CHRM3: variants seen among roughly 807,000 people sequenced by gnomAD.
The protein encoded by CHRM3 is muscarinic acetylcholine receptor M3.
In CHRM3, 11 loss-of-function variants were observed where a neutral mutation model predicts 41.8. That is an observed-to-expected ratio of 0.26 (90% confidence interval 0.17 to 0.44). The LOEUF is 0.44. CHRM3 is among the 20% of genes least tolerant of loss of function. The pLI, the probability that CHRM3 is intolerant of heterozygous loss-of-function variation, is 1.00. For synonymous variants in CHRM3, 297 were observed against 301.4 expected (o/e 0.99, Z 0.15); for missense variants, 571 against 745.4 (o/e 0.77, Z 2.72).
chr1:239,853,077 CA>C (rs1209156828), intron 6 of CHRM3, among the ~76,000 whole-genome samples: 1 of 151,564 alleles, frequency 6.6e-6, no homozygotes, highest in Non-Finnish European at 1.5e-5. Flanking sequence ...TGTTCTTTTT[CA>C]ACTTTTTAAA....
chr1:239,592,866 T>C (rs192217312), intron 3 of CHRM3, among the ~76,000 whole-genome samples: 1 of 152,218 alleles, frequency 6.6e-6, no homozygotes, highest in Non-Finnish European at 1.5e-5. Flanking sequence ...GCTTAATCAG[T>C]CATTGCTCTC....
At position 239,760,343 on chromosome 1, in the gene CHRM3, C is replaced by T. The variant is rs1572205360; in HGVS notation, c.-146-66909C>T. ...TAAAATACTGTGCATTATATCATCC[C>T]ATGTTAAAAATCATCTCTGAAATCC... On this transcript the variant is annotated intron_variant, in intron 5 of 6. Coordinates refer to ENST00000676153, the MANE Select transcript of CHRM3 (RefSeq NM_001375978.1). 2.0e-5 allele frequency among the ~76,000 whole-genome samples: 3 copies of T among 152,010 alleles called. No homozygotes were observed. The South Asian group carries it at 6.2e-4, about 32-fold the overall frequency.
chr1:239,813,337 C>T (rs1219624302), intron 5 of CHRM3, among the ~76,000 whole-genome samples: 3 of 151,946 alleles, frequency 2.0e-5, no homozygotes, highest in South Asian at 2.1e-4. Context: ...TTCAGAGATT[C>T]GTAGATGCAA....
intron 1 of CHRM3, among the ~76,000 whole-genome samples, chr1:239,472,973 C>T (rs562738560): frequency 3.9e-4 from 59 of 152,072 alleles, no homozygotes; most frequent in Admixed American, 2.1e-3. Context: ...AAAGAAAGAT[C>T]AGTAATAGTC....
intron 6 of CHRM3, among the ~76,000 whole-genome samples, chr1:239,905,330 A>G: frequency 6.6e-6 from 1 of 152,166 alleles, no homozygotes; most frequent in South Asian, 2.1e-4. Flanking sequence ...GTCCTCCCAG[A>G]CATCACCTTG....
At chr1:239,581,054 T>C (rs1241909654) in intron 3 of CHRM3, among the ~76,000 whole-genome samples, 1 of 151,990 alleles carries the variant, frequency 6.6e-6, no homozygotes, top group Admixed American at 6.6e-5. Flanking sequence ...AAAAAAATCC[T>C]CTCACCACAG....
At chr1:239,646,915 G>A (rs1671787506) in intron 4 of CHRM3, among the ~76,000 whole-genome samples, 1 of 152,132 alleles carries the variant, frequency 6.6e-6, no homozygotes, top group Admixed American at 6.5e-5. Context: ...TCGCTTTTCT[G>A]GGGTAAGAAG....
intron 3 of CHRM3, chr1:239,629,468 C>G (rs542877734): frequency 1.3e-5 from 2 of 154,326 alleles, no homozygotes; most frequent in African/African-American, 2.4e-5. Flanking sequence ...TCTTCTGCGT[C>G]GCTCACGCTG....
chr1:239,583,289 T>C (rs370302138), intron 3 of CHRM3, among the ~76,000 whole-genome samples: 1 of 152,224 alleles, frequency 6.6e-6, no homozygotes, highest in African/African-American at 2.4e-5. Flanking sequence ...AAATGATTCA[T>C]TGAGTGTATG....
intron 4 of CHRM3, among the ~76,000 whole-genome samples, chr1:239,645,899 T>C (rs1671700718): frequency 6.6e-6 from 1 of 151,236 alleles, no homozygotes; most frequent in Non-Finnish European, 1.5e-5. Flanking sequence ...TTCCATAACA[T>C]GGAGAAATTA....
chr1:239,494,527 C>A (rs964559409), intron 2 of CHRM3, among the ~76,000 whole-genome samples: 7 of 152,006 alleles, frequency 4.6e-5, no homozygotes, highest in African/African-American at 2.4e-5. Context: ...TTTTTTTACA[C>A]ATGGCTTGCT....
chr1:239,853,246 A>T (rs1047248249), intron 6 of CHRM3, among the ~76,000 whole-genome samples: 2 of 151,820 alleles, frequency 1.3e-5, no homozygotes, highest in African/African-American at 4.8e-5. Context: ...TATTTGGAGA[A>T]GTAGTTTTTA....
chr1:239,529,756 T>C (rs1670256272), intron 2 of CHRM3, among the ~76,000 whole-genome samples: 1 of 152,160 alleles, frequency 6.6e-6, no homozygotes, highest in Non-Finnish European at 1.5e-5. Flanking sequence ...ATTAACCTAA[T>C]AGCCATTATC....
At chr1:239,637,754 T>A (rs1403412983) in intron 4 of CHRM3, among the ~76,000 whole-genome samples, 1 of 150,018 alleles carries the variant, frequency 6.7e-6, no homozygotes, top group East Asian at 1.9e-4. Flanking sequence ...GTGAATTTTC[T>A]TTTTTTTAAT....
chr1:239,591,594 T>A (rs1480944457), intron 3 of CHRM3, among the ~76,000 whole-genome samples: 2 of 151,888 alleles, frequency 1.3e-5, no homozygotes, highest in African/African-American at 4.8e-5. Context: ...CGTGCCGTCT[T>A]TTCTTGGAGA....
At chr1:239,662,092 G>A (rs1205670816) in intron 4 of CHRM3, among the ~76,000 whole-genome samples, 1 of 146,760 alleles carries the variant, frequency 6.8e-6, no homozygotes, top group Admixed American at 7.0e-5. Context: ...GGAAATATCT[G>A]TTTCAGTTTT....
chr1:239,747,305 G>T (rs1046687512), intron 5 of CHRM3, among the ~76,000 whole-genome samples: 3 of 152,148 alleles, frequency 2.0e-5, no homozygotes, highest in Non-Finnish European at 4.4e-5. Flanking sequence ...GCTGATTAGG[G>T]AATGGTAAAC....
At chr1:239,682,777 T>A (rs1331623952) in intron 5 of CHRM3, among the ~76,000 whole-genome samples, 1 of 152,204 alleles carries the variant, frequency 6.6e-6, no homozygotes, top group Non-Finnish European at 1.5e-5. Flanking sequence ...CAAAAATATA[T>A]GTTTGTTAAT....
chr1:239,780,359 T>C (rs114785839), intron 5 of CHRM3, among the ~76,000 whole-genome samples: 1,922 of 152,336 alleles, frequency 0.013, 36 homozygotes, highest in African/African-American at 0.043. Context: ...TGTTTTACTT[T>C]GCATTTCTCT....
Sources: gnomAD v4.1 joint callset for allele counts (sites outside exome capture counted in the v4.1 genomes callset) on GRCh38, gnomAD v4.1.1 for gene constraint, MANE v1.5 for transcripts, NCBI Gene and HGNC (gene_info 2026-07-23, HGNC 2026-07-21) for gene names.